The following SEMA3C variants were observed in gnomAD, a reference collection of about 807,000 sequenced individuals.
The protein encoded by SEMA3C is semaphorin-3C.
SEMA3C carries 47 observed loss-of-function variants against 89.4 expected under a neutral mutation model. The observed-to-expected ratio is 0.53, with a 90% confidence interval of 0.42 to 0.67. The LOEUF (loss-of-function observed/expected upper bound fraction) is 0.67. SEMA3C is among the 30% of genes least tolerant of loss of function. The pLI is 0.00. For synonymous variants in SEMA3C, 310 were observed against 320.2 expected (o/e 0.97, Z 0.34); for missense variants, 839 against 929.1 (o/e 0.90, Z 1.26).
chr7:80,775,648 C>G (rs1011754411), intron 12 of SEMA3C, among the ~76,000 whole-genome samples: 1 of 151,990 alleles, frequency 6.6e-6, no homozygotes, highest in African/African-American at 2.4e-5. Context: ...GTCATAAAAC[C>G]TGACCTGCAC....
intron 5 of SEMA3C, among the ~76,000 whole-genome samples, chr7:80,810,931 G>A (rs1470206916): frequency 6.6e-6 from 1 of 152,146 alleles, no homozygotes; most frequent in Non-Finnish European, 1.5e-5. Flanking sequence ...TCCCCAGAGA[G>A]CTGATCCAAG....
chr7:80,816,900 G>A (rs1434393954), intron 5 of SEMA3C, among the ~76,000 whole-genome samples: 1 of 152,144 alleles, frequency 6.6e-6, no homozygotes, highest in Non-Finnish European at 1.5e-5. Context: ...TGGGCAATTC[G>A]TACATGGGAA....
At chr7:80,780,802 T>C (rs1788675739) in intron 12 of SEMA3C, among the ~76,000 whole-genome samples, 1 of 152,130 alleles carries the variant, frequency 6.6e-6, no homozygotes, top group Non-Finnish European at 1.5e-5. Flanking sequence ...GAGGATCACC[T>C]GAGCCCAGGG....
rs370290029 is a variant in SEMA3C at position 80,802,654 on chromosome 7, T to G, written c.916+11A>C. The G allele has an allele frequency of 2.6e-4, 412 of 1,578,040 alleles. 2 individuals are homozygous for G. The Middle Eastern group carries it at 3.5e-3, about 13-fold the overall frequency. ...CTTTCAGAAGCATTTTTCAATCTCA[T>G]ATGTATGTACCTAATTCATCAAAGT... On this transcript the variant is annotated intron_variant, in intron 9 of 17. Transcript: ENST00000265361.
chr7:80,814,084 CTTTTTTCTTTTT>C (rs1039744810), intron 5 of SEMA3C, among the ~76,000 whole-genome samples: 1 of 122,146 alleles, frequency 8.2e-6, no homozygotes, highest in Admixed American at 8.2e-5. Flanking sequence ...TTTTTTTTTT[CTTTTTTCTTTTT>C]TTTTTTATTT....
chr7:80,806,686 C>T (rs769392608), intron 6 of SEMA3C, among the ~76,000 whole-genome samples: 4 of 151,808 alleles, frequency 2.6e-5, no homozygotes, highest in Non-Finnish European at 5.9e-5. Flanking sequence ...AAACGTGACC[C>T]CTGAGTATAA....
chr7:80,911,993 A>T (rs954226956), intron 2 of SEMA3C, among the ~76,000 whole-genome samples: 17 of 151,736 alleles, frequency 1.1e-4, no homozygotes. Flanking sequence ...ACTCAAGCTC[A>T]CTCTTCTAAC....
At chr7:80,865,901 G>C (rs768113551) in intron 2 of SEMA3C, among the ~76,000 whole-genome samples, 12 of 152,076 alleles carry the variant, frequency 7.9e-5, no homozygotes, top group African/African-American at 2.9e-4. Context: ...TATTTATTTT[G>C]TGGCATTTGA....
intron 2 of SEMA3C, among the ~76,000 whole-genome samples, chr7:80,845,286 C>T (rs1790363304): frequency 6.8e-6 from 1 of 146,488 alleles, no homozygotes; most frequent in South Asian, 2.2e-4. Flanking sequence ...TGATCACACC[C>T]TCTGTGTCAT....
chr7:80,848,782 A>G (rs968361801), intron 2 of SEMA3C, among the ~76,000 whole-genome samples: 2 of 152,086 alleles, frequency 1.3e-5, no homozygotes, highest in African/African-American at 4.8e-5. Flanking sequence ...TCTTTCCTAC[A>G]TATTATTTAT....
chr7:80,872,678 G>A (rs1247697317), intron 2 of SEMA3C, among the ~76,000 whole-genome samples: 1 of 150,900 alleles, frequency 6.6e-6, no homozygotes, highest in Non-Finnish European at 1.5e-5. Context: ...GTGCGCACCT[G>A]TAGTCCCAGC....
intron 2 of SEMA3C, among the ~76,000 whole-genome samples, chr7:80,864,991 C>T (rs775004921): frequency 6.6e-6 from 1 of 152,060 alleles, no homozygotes; most frequent in African/African-American, 2.4e-5. Context: ...TTCTTATTAC[C>T]CTACATCACA....
chr7:80,756,354 T>C (rs1262572638), intron 15 of SEMA3C, among the ~76,000 whole-genome samples: 1 of 151,952 alleles, frequency 6.6e-6, no homozygotes, highest in Non-Finnish European at 1.5e-5. Flanking sequence ...TCCTTTATTA[T>C]CCCTCTACAA....
chr7:80,893,966 C>A (rs1252429404), intron 2 of SEMA3C, among the ~76,000 whole-genome samples: 32 of 152,284 alleles, frequency 2.1e-4, no homozygotes, highest in Non-Finnish European at 1.5e-5. Context: ...CATTCCTCTA[C>A]TTTAATTACC....
At chr7:80,802,624 G>T in intron 9 of SEMA3C, 41 bp downstream of exon 9, 2 of 1,334,190 alleles carry the variant, frequency 1.5e-6, no homozygotes, top group South Asian at 1.2e-5. Context: ...AACTTTACAA[G>T]CCTTCTTTCA....
intron 5 of SEMA3C, among the ~76,000 whole-genome samples, chr7:80,813,691 T>A (rs914618874): frequency 3.3e-5 from 5 of 152,238 alleles, no homozygotes; most frequent in African/African-American, 1.2e-4. Flanking sequence ...TTGTGTTTCT[T>A]TGATACATAC....
At chr7:80,803,432 A>G (rs1043293537) in intron 8 of SEMA3C, among the ~76,000 whole-genome samples, 14 of 152,188 alleles carry the variant, frequency 9.2e-5, no homozygotes, top group African/African-American at 3.4e-4. Flanking sequence ...CTCCATGATC[A>G]GTGGAGTATT....
rs576525343 is a variant in SEMA3C, at chr7:80,742,734, A to G, written c.*2160T>C. On this transcript the variant is annotated 3_prime_UTR_variant, in exon 18 of 18. Transcript: ENST00000265361. ...TGTATTTCTAGAAAATTTTATGTAC[A>G]ATACAAATGGAATAGATATTAAGTC... 3 of 152,082 alleles carry G rather than the reference A, an allele frequency of 2.0e-5. No homozygotes were observed. The highest frequency in any genetic ancestry group is 2.0e-4 in the Admixed American group (3 of 15,270). 9.4% of individuals were successfully genotyped at this position (152,082 alleles called of 1,614,324 possible).
chr7:80,873,200 C>G (rs954394602), intron 2 of SEMA3C, among the ~76,000 whole-genome samples: 2 of 152,142 alleles, frequency 1.3e-5, no homozygotes, highest in African/African-American at 4.8e-5. Flanking sequence ...AAATGGAGAA[C>G]TTGAAGAGAG....
Sources: allele counts gnomAD v4.1 joint callset (sites outside exome capture counted in the v4.1 genomes callset), GRCh38; gene constraint gnomAD v4.1.1; transcripts MANE v1.5; gene names NCBI Gene and HGNC (gene_info 2026-07-23, HGNC 2026-07-21).